CTDSPL2: variants seen among roughly 807,000 people sequenced by gnomAD.
The protein encoded by CTDSPL2 is CTD small phosphatase like 2.
A neutral mutation model predicts 60.0 loss-of-function variants in CTDSPL2; 5 were observed. That is an observed-to-expected ratio of 0.08 (90% confidence interval 0.04 to 0.18). CTDSPL2 has a LOEUF of 0.18. Ranked by LOEUF, CTDSPL2 falls within the 10% of genes least tolerant of loss-of-function variation. The pLI is 1.00. For missense variants in CTDSPL2, 370 were observed against 548.8 expected, an observed-to-expected ratio of 0.67 and a Z score of 3.26; for synonymous variants, 186 against 189.3, an observed-to-expected ratio of 0.98 and a Z score of 0.14.
chr15:44,499,863 T>A, intron 8 of CTDSPL2, 50 bp downstream of exon 8: 1 of 1,027,698 alleles, frequency 9.7e-7, no homozygotes, highest in Non-Finnish European at 1.5e-6. Flanking sequence ...AACATTCTGA[T>A]AAAAAAAACT....
rs866746674 is a variant in CTDSPL2 at position 44,470,072 on chromosome 15, T to G, written c.186+10872T>G. Among the ~76,000 whole-genome samples, 94 of 122,492 alleles carry G rather than the reference T, an allele frequency of 7.7e-4. No individual in the cohort carries two copies. In the South Asian group the frequency reaches 0.024, roughly 31 times the overall value. 80.4% of individuals were successfully genotyped at this position (122,492 alleles called of 152,430 possible). A position where few individuals can be genotyped will look rare whatever the true frequency, so the allele number is the denominator to read the frequency against. On this transcript the variant is annotated intron_variant, in intron 2 of 12. Transcript: ENST00000260327. Reference sequence around the variant, plus strand: ...GAGATCACGCCACTGCACTCCAGCCTGGGCGACAGAGCGAGACTCTGTCTC... The same window carrying G: ...GAGATCACGCCACTGCACTCCAGCCGGGGCGACAGAGCGAGACTCTGTCTC...
At chr15:44,478,458 A>G (rs1595739994) in intron 2 of CTDSPL2, among the ~76,000 whole-genome samples, 1 of 127,958 alleles carries the variant, frequency 7.8e-6, no homozygotes, top group Admixed American at 7.4e-5. Flanking sequence ...GTCTCAAAAA[A>G]AAAAAAAAAA....
chr15:44,514,382 A>G (rs985649966), intron 8 of CTDSPL2, among the ~76,000 whole-genome samples: 1 of 152,200 alleles, frequency 6.6e-6, no homozygotes, highest in African/African-American at 2.4e-5. Context: ...AAATGACTTG[A>G]TCATCAGTGA....
At chr15:44,458,685 G>T (rs1434281335) in intron 1 of CTDSPL2, among the ~76,000 whole-genome samples, 1 of 152,132 alleles carries the variant, frequency 6.6e-6, no homozygotes, top group Non-Finnish European at 1.5e-5. Flanking sequence ...TAGTAGTGTT[G>T]GCAGGCAGTA....
chr15:44,439,550 G>A (rs574195079), intron 1 of CTDSPL2, among the ~76,000 whole-genome samples: 5 of 151,410 alleles, frequency 3.3e-5, no homozygotes, highest in African/African-American at 9.7e-5. Flanking sequence ...TTTTGGGGGG[G>A]GGGGAATATT....
intron 10 of CTDSPL2, among the ~76,000 whole-genome samples, chr15:44,516,006 C>T (rs1307335328): frequency 4.6e-5 from 6 of 130,802 alleles, no homozygotes; most frequent in African/African-American, 8.9e-5. Flanking sequence ...TTTTTTGAGG[C>T]GGATTCTCAC....
intron 8 of CTDSPL2, among the ~76,000 whole-genome samples, chr15:44,506,433 T>TTG (rs2081467095): frequency 7.0e-6 from 1 of 143,428 alleles, no homozygotes; most frequent in Non-Finnish European, 1.5e-5. Flanking sequence ...TTTTTTTTTT[T>TTG]GGAGGCATGG....
chr15:44,473,987 C>G (rs1308176485), intron 2 of CTDSPL2, among the ~76,000 whole-genome samples: 1 of 152,086 alleles, frequency 6.6e-6, no homozygotes, highest in Non-Finnish European at 1.5e-5. Context: ...CATCACCACA[C>G]CGGGCTAATT....
At chr15:44,516,174 G>A (rs895435087) in intron 10 of CTDSPL2, among the ~76,000 whole-genome samples, 1 of 151,740 alleles carries the variant, frequency 6.6e-6, no homozygotes, top group African/African-American at 2.4e-5. Context: ...CATCATATTG[G>A]CCAGGCTGGT....
chr15:44,513,135 A>T (rs1036422841), intron 8 of CTDSPL2, among the ~76,000 whole-genome samples: 1 of 151,702 alleles, frequency 6.6e-6, no homozygotes, highest in African/African-American at 2.4e-5. Flanking sequence ...AGAGATGGGG[A>T]CAGAGTGATA....
chr15:44,515,986 C>CT (rs562541301), intron 10 of CTDSPL2, among the ~76,000 whole-genome samples: 9,461 of 132,834 alleles, frequency 0.071, 427 homozygotes, highest in African/African-American at 0.12. Context: ...CTTTCTTTTT[C>CT]TTTTTTTTTT....
intron 5 of CTDSPL2, among the ~76,000 whole-genome samples, chr15:44,491,917 G>A (rs1218606252): frequency 6.6e-6 from 1 of 152,132 alleles, no homozygotes; most frequent in African/African-American, 2.4e-5. Flanking sequence ...GCTGGACAGT[G>A]CAGTGGCATG....
intron 1 of CTDSPL2, among the ~76,000 whole-genome samples, chr15:44,442,126 A>G (rs920292723): frequency 7.9e-5 from 12 of 152,048 alleles, no homozygotes; most frequent in East Asian, 1.9e-4. Flanking sequence ...TTATTCTTCT[A>G]TTTCCTGTTA....
At chr15:44,460,566 A>G (rs536077306) in intron 2 of CTDSPL2, among the ~76,000 whole-genome samples, 37 of 152,322 alleles carry the variant, frequency 2.4e-4, no homozygotes, top group African/African-American at 8.7e-4. Flanking sequence ...GCAGAAAAAT[A>G]AATTACTGGC....
intron 1 of CTDSPL2, chr15:44,448,872 C>T: frequency 2.4e-6 from 1 of 409,390 alleles, no homozygotes; most frequent in Non-Finnish European, 4.6e-6. Context: ...TATCACACAG[C>T]AGTTGGCCAT....
intron 8 of CTDSPL2, among the ~76,000 whole-genome samples, chr15:44,506,025 C>CTTTTTTTTTTT (rs753896129): frequency 3.4e-5 from 4 of 117,578 alleles, no homozygotes; most frequent in South Asian, 2.8e-4. Flanking sequence ...TCATTGGTAA[C>CTTTTTTTTTTT]TTTTTTTTTT....
chr15:44,444,564 T>C (rs1301068966), intron 1 of CTDSPL2, among the ~76,000 whole-genome samples: 2 of 151,890 alleles, frequency 1.3e-5, no homozygotes, highest in African/African-American at 4.8e-5. Context: ...CAGGCTGGTC[T>C]TGAACTCCTG....
intron 2 of CTDSPL2, among the ~76,000 whole-genome samples, chr15:44,471,864 A>C (rs2080817812): frequency 6.6e-6 from 1 of 151,944 alleles, no homozygotes; most frequent in Non-Finnish European, 1.5e-5. Context: ...ATGAAACCAT[A>C]GTCTATTATG....
At chr15:44,509,499 G>A (rs746995075) in intron 8 of CTDSPL2, among the ~76,000 whole-genome samples, 1 of 152,068 alleles carries the variant, frequency 6.6e-6, no homozygotes, top group Admixed American at 6.6e-5. Context: ...GACCTACCAC[G>A]CCCAGCCAAT....
Sources: allele counts gnomAD v4.1 joint callset (sites outside exome capture counted in the v4.1 genomes callset), GRCh38; gene constraint gnomAD v4.1.1; transcripts MANE v1.5; gene names NCBI Gene and HGNC (gene_info 2026-07-23, HGNC 2026-07-21).